Variants in DYNC2H1 observed in about 807,000 individuals in gnomAD.
DYNC2H1 encodes dynein cytoplasmic 2 heavy chain 1, also known as cytoplasmic dynein 2 heavy chain 1.
DYNC2H1 carries 410 observed loss-of-function variants against 570.0 expected under a neutral mutation model. The observed-to-expected ratio is 0.72, with a 90% CI of 0.66 to 0.78. DYNC2H1 has a LOEUF of 0.78. Among genes scored for constraint, DYNC2H1 ranks in the 30% least tolerant of loss-of-function variants. The pLI, the probability that DYNC2H1 is intolerant of heterozygous loss-of-function variation, is 0.00. For synonymous variants in DYNC2H1, 1,688 were observed against 1,677.6 expected, an observed-to-expected ratio of 1.01 and a Z score of -0.15; for missense variants, 4,865 against 5,046.4, an observed-to-expected ratio of 0.96 and a Z score of 1.09.
intron 28 of DYNC2H1, among the ~76,000 whole-genome samples, chr11:103,160,063 T>C (rs1180435164): frequency 6.6e-6 from 1 of 152,140 alleles, no homozygotes; most frequent in Non-Finnish European, 1.5e-5. Context: ...TTTGTAACTA[T>C]GATTTGGGCA....
At chr11:103,255,592 A>G in intron 67 of DYNC2H1, 58 bp downstream of exon 67, 1 of 1,471,956 alleles carries the variant, frequency 6.8e-7, no homozygotes, top group South Asian at 1.4e-5. Context: ...TAATGAATAC[A>G]AATAACAGTG....
At chr11:103,223,872 C>G (rs1591435710) in intron 59 of DYNC2H1, among the ~76,000 whole-genome samples, 1 of 151,672 alleles carries the variant, frequency 6.6e-6, no homozygotes, top group Non-Finnish European at 1.5e-5. Flanking sequence ...TTCAGCCTCC[C>G]AAGTAGCTGG....
At chr11:103,381,100 G>A (rs1448822302) in intron 83 of DYNC2H1, among the ~76,000 whole-genome samples, 5 of 152,176 alleles carry the variant, frequency 3.3e-5, no homozygotes, top group Non-Finnish European at 4.4e-5. Flanking sequence ...TGATGAAGAT[G>A]TAAATAGTAG....
chr11:103,479,217 TC>T lies in DYNC2H1; in HGVS notation c.12889del (p.Gln4297SerfsTer8). The T allele has an allele frequency of 1.9e-6, 3 of 1,613,806 alleles. No homozygotes were observed. Among genetic ancestry groups the T allele is most frequent in the Non-Finnish European group, 2.5e-6 (3 of 1,179,808 alleles). ...GTGGGGGCAACCAAGACCAGTGGATTCAGTGTGGAGCAGCTCTATTCCTAAA... is the reference window on the plus strand; with the variant it reads ...GTGGGGGCAACCAAGACCAGTGGATTAGTGTGGAGCAGCTCTATTCCTAAA... ...PCGGNQDQWI[Q>X]CGAALFLKNQ On this transcript the variant is annotated frameshift_variant, in exon 89 of 89. Transcript: ENST00000375735. LOFTEE classifies it high-confidence loss of function.
Position 103,245,491 on chromosome 11 carries a change from A to T in DYNC2H1, c.10042+117A>T. 9.9e-7 allele frequency: 1 copy of T among 1,011,446 alleles called. No homozygotes were observed. The highest frequency in any genetic ancestry group is 1.4e-6 in the Non-Finnish European group (1 of 709,392). 62.7% of individuals were successfully genotyped at this position (1,011,446 alleles called of 1,614,324 possible). ...CAGTGGAGTCACACATGATGGGCTT[A>T]CTTCCTTCAGCAATATGTGTAAAGT... is the stretch of plus-strand genomic sequence containing the variant. On this transcript the variant is annotated intron_variant, in intron 65 of 88. Transcript: ENST00000375735. The surrounding 1 kb of genome is among the most constrained non-coding windows in gnomAD (Gnocchi z 4.5).
At chr11:103,266,348 G>A (rs983344550) in intron 70 of DYNC2H1, among the ~76,000 whole-genome samples, 1 of 152,080 alleles carries the variant, frequency 6.6e-6, no homozygotes, top group African/African-American at 2.4e-5. Flanking sequence ...CACTGCAGGT[G>A]GTGTTGGCTC....
intron 83 of DYNC2H1, 80 bp downstream of exon 83, chr11:103,358,439 C>A: frequency 2.0e-6 from 2 of 987,682 alleles, no homozygotes; most frequent in South Asian, 1.4e-5. Context: ...CTGCCTGAGT[C>A]ATACAAGTAA....
intron 6 of DYNC2H1, among the ~76,000 whole-genome samples, chr11:103,120,140 A>G (rs1021267383): frequency 2.3e-4 from 35 of 152,190 alleles, no homozygotes; most frequent in Admixed American, 2.2e-3. Context: ...AGCTCTAAAT[A>G]TAGTTTAAAC....
chr11:103,168,463 T>C (rs1861428278), intron 31 of DYNC2H1, among the ~76,000 whole-genome samples: 1 of 152,244 alleles, frequency 6.6e-6, no homozygotes, highest in Non-Finnish European at 1.5e-5. Flanking sequence ...TTTTTATGCC[T>C]GCATTCAGAG....
chr11:103,338,229 A>G (rs1237190793), intron 82 of DYNC2H1, among the ~76,000 whole-genome samples: 1 of 151,708 alleles, frequency 6.6e-6, no homozygotes, highest in East Asian at 1.9e-4. Flanking sequence ...TCATTGCTCT[A>G]TGTGTCTGTT....
chr11:103,393,784 G>C (rs1362588243), intron 83 of DYNC2H1, among the ~76,000 whole-genome samples: 1 of 152,180 alleles, frequency 6.6e-6, no homozygotes, highest in East Asian at 1.9e-4. Flanking sequence ...GTTCCATATG[G>C]CTGGGGAGGC....
At position 103,428,122 on chromosome 11, in the gene DYNC2H1, A is replaced by G. The variant is rs138397942; in HGVS notation, c.12367-7821A>G. On this transcript the variant is annotated intron_variant, in intron 84 of 88. Transcript: ENST00000375735. ...TAGAGTAAAACAGCTTGCTACCTGAATGGAACTCTGGGACAACAGGCATCA... is the reference window on the plus strand; with the variant it reads ...TAGAGTAAAACAGCTTGCTACCTGAGTGGAACTCTGGGACAACAGGCATCA... Among the ~76,000 whole-genome samples, 1,500 of 151,556 alleles carry G rather than the reference A, an allele frequency of 9.9e-3. 25 individuals carry two copies. The highest frequency in any genetic ancestry group is 0.034 in the African/African-American group (1,423 of 41,312).
chr11:103,274,321 C>T (rs1339498250), intron 70 of DYNC2H1, among the ~76,000 whole-genome samples: 4 of 152,060 alleles, frequency 2.6e-5, no homozygotes, highest in Admixed American at 6.5e-5. Flanking sequence ...GATCACACTA[C>T]TGCACCCCAG....
chr11:103,172,041 A>G (rs1307320582), intron 34 of DYNC2H1, among the ~76,000 whole-genome samples: 1 of 152,172 alleles, frequency 6.6e-6, no homozygotes, highest in East Asian at 1.9e-4. Context: ...TGTAAGAACT[A>G]AGAAATTATC....
At position 103,185,050 on chromosome 11, in the gene DYNC2H1, A is replaced by T. The variant is rs929322688; in HGVS notation, c.6632A>T (p.Glu2211Val). The T allele has an allele frequency of 1.2e-6, 2 of 1,609,078 alleles. No individual in the cohort carries two copies. Among genetic ancestry groups the T allele is most frequent in the African/African-American group, 2.7e-5 (2 of 74,728 alleles). Residue 2211 changes from glutamate to valine, a missense_variant and splice_region_variant, in exon 41 of 89, where the codon GAG (glutamate) becomes GTG (valine). Glu to Val is a moderately radical substitution (Grantham distance 121). Around this residue, in one of 5 missense-constraint regions of DYNC2H1, gnomAD observed 231 missense variants for 310.3 expected, o/e 0.74. Transcript: ENST00000375735. The surrounding 1 kb of genome is among the most constrained non-coding windows in gnomAD (Gnocchi z 4.5). ...NMKSRLEFTK[E>V]VFHWARESPP... ...AAGTCACGTTTGGAATTTACCAAAG[A>T]GGTAATGCATATTTATAGCCTATAT...
chr11:103,373,367 T>G (rs979780517), intron 83 of DYNC2H1, among the ~76,000 whole-genome samples: 5 of 152,228 alleles, frequency 3.3e-5, no homozygotes, highest in Admixed American at 6.5e-5. Context: ...TTCTGTGATA[T>G]CAGTAGTAAT....
intron 87 of DYNC2H1, among the ~76,000 whole-genome samples, chr11:103,460,621 T>A (rs1944977779): frequency 6.8e-6 from 1 of 147,142 alleles, no homozygotes; most frequent in Non-Finnish European, 1.5e-5. Context: ...ACTTCAATAA[T>A]AACTTCATTG....
At chr11:103,438,278 C>T in intron 85 of DYNC2H1, among the ~76,000 whole-genome samples, 1 of 151,964 alleles carries the variant, frequency 6.6e-6, no homozygotes, top group Non-Finnish European at 1.5e-5. Context: ...TTGGGATTTG[C>T]TTTTCATCTA....
chr11:103,233,952 T>A (rs1048932293), intron 60 of DYNC2H1, 82 bp from the exon 61 acceptor site: 8 of 1,402,632 alleles, frequency 5.7e-6, no homozygotes, highest in Admixed American at 2.6e-5. Context: ...GGCATAAAAG[T>A]TTACTTTATT....
Sources: allele counts gnomAD v4.1 joint callset (sites outside exome capture counted in the v4.1 genomes callset), GRCh38; gene constraint gnomAD v4.1.1; regional missense constraint gnomAD v4.1.1; non-coding constraint Gnocchi (gnomAD v3.1); transcripts MANE v1.5; gene names NCBI Gene and HGNC (gene_info 2026-07-23, HGNC 2026-07-21).